IL3RA: variants seen among roughly 807,000 people sequenced by gnomAD.
IL3RA encodes interleukin 3 receptor subunit alpha.
In IL3RA, 73 loss-of-function variants were observed where a neutral mutation model predicts 52.3. The observed-to-expected ratio is 1.40, with a 90% CI of 1.16 to 1.70. IL3RA has a LOEUF of 1.70. IL3RA is among the 40% of genes most tolerant of loss of function. IL3RA has a pLI of 0.00. For synonymous variants in IL3RA, 260 were observed against 194.0 expected (o/e 1.34, Z -2.83); for missense variants, 664 against 504.4 (o/e 1.32, Z -3.03).
At position 1,352,120 on chromosome X, in the gene IL3RA, G is replaced by A; in HGVS notation, c.319G>A (p.Ala107Thr). 1 of 1,613,814 alleles carries A rather than the reference G, an allele frequency of 6.2e-7. No homozygotes were observed. The highest frequency in any genetic ancestry group is 8.5e-7 in the Non-Finnish European group (1 of 1,179,822). The change falls in exon 5 of 12, where the codon GCG (alanine) becomes ACG (threonine). Residue 107 changes from alanine (A) to threonine (T), a missense_variant. Physicochemically the swap from Ala to Thr is moderately conservative, Grantham distance 58. Transcript: ENST00000331035. ...PENSGKPWAG[A>T]ENLTCWIHDV... Reference sequence around the variant, plus strand: ...CCCAGGTGGGAAGCCTTGGGCAGGTGCGGAGAATCTGACCTGCTGGATTCA... The same window carrying A: ...CCCAGGTGGGAAGCCTTGGGCAGGTACGGAGAATCTGACCTGCTGGATTCA...
chrX:1,378,898 A>G (rs1218048158), intron 10 of IL3RA, 134 bp downstream of exon 10: 6 of 854,274 alleles, frequency 7.0e-6, no homozygotes, highest in Non-Finnish European at 1.1e-5. Flanking sequence ...GCTGGAGTGC[A>G]GTGGCACGAT....
At chrX:1,349,824 G>A (rs7891706) in intron 4 of IL3RA, among the ~76,000 whole-genome samples, 4,218 of 150,890 alleles carry the variant, frequency 0.028, 79 homozygotes, top group Middle Eastern at 0.1. Context: ...CACCAAGCCC[G>A]GCTAAATTTT....
Position 1,356,331 on chromosome X carries a change from C to G in IL3RA, c.727C>G (p.Gln243Glu), listed in dbSNP as rs552179087. ...NRKFRYELQI[Q>E]KRMQPVITEQ... Reference sequence around the variant, plus strand: ...CAAATTTCGCTATGAGCTTCAGATACAAAAGGTAAACTTTCACCCCGCCCC... The same window carrying G: ...CAAATTTCGCTATGAGCTTCAGATAGAAAAGGTAAACTTTCACCCCGCCCC... The change falls in exon 7 of 12, where the codon CAA (glutamine) becomes GAA (glutamate). Residue 243 changes from glutamine to glutamate, a missense_variant. Coordinates refer to ENST00000331035, the MANE Select transcript of IL3RA (RefSeq NM_002183.4). 505 of 1,607,006 alleles carry G rather than the reference C, an allele frequency of 3.1e-4. 5 individuals are homozygous for G. The South Asian group carries it at 5.2e-3, about 17-fold the overall frequency.
At chrX:1,351,897 T>C (rs1414074227) in intron 4 of IL3RA, among the ~76,000 whole-genome samples, 1 of 152,100 alleles carries the variant, frequency 6.6e-6, no homozygotes, top group Non-Finnish European at 1.5e-5. Context: ...CCCAAAGTGC[T>C]GGGATCACAG....
chrX:1,356,347 ACCCCGCCCCCAGCCC>A lies in IL3RA; in HGVS notation c.732+16_732+30del. The stretch of plus-strand genomic sequence containing the variant: ...CTTCAGATACAAAAGGTAAACTTTC[ACCCCGCCCCCAGCCC>A]CCCCACCCCCGTGGACATCCCTTAT... On this transcript the variant is annotated intron_variant, in intron 7 of 11. Transcript: ENST00000331035. 2 of 1,571,096 alleles carry A rather than the reference ACCCCGCCCCCAGCCC, an allele frequency of 1.3e-6. No individual in the cohort carries two copies. Among genetic ancestry groups the A allele is most frequent in the Non-Finnish European group, 1.7e-6 (2 of 1,143,252 alleles).
At chrX:1,368,368 T>G (rs1231132908) in intron 9 of IL3RA, among the ~76,000 whole-genome samples, 2 of 151,998 alleles carry the variant, frequency 1.3e-5, no homozygotes, top group Non-Finnish European at 2.9e-5. Context: ...GTAGATCACC[T>G]GAGGTCAGGA....
rs755681924 is a variant in IL3RA at position 1,356,223 on chromosome X, A to G, written c.619A>G (p.Ile207Val). ...DKFVVFSQIE[I>V]LTPPNMTAKC... is the part of the protein sequence containing the mutation. ...AAAAGTGTTTTTCTCGTTGCTAGAG[A>G]TATTAACTCCACCCAACATGACTGC... Residue 207 changes from isoleucine (I) to valine (V), a missense_variant and splice_region_variant, in exon 7 of 12, where the codon ATA (isoleucine) becomes GTA (valine). Coordinates refer to ENST00000331035, the MANE Select transcript of IL3RA (RefSeq NM_002183.4). The G allele has an allele frequency of 1.3e-6, 2 of 1,585,470 alleles. No homozygotes were observed. Among genetic ancestry groups the G allele is most frequent in the African/African-American group, 1.3e-5 (1 of 74,240 alleles).
intron 9 of IL3RA, among the ~76,000 whole-genome samples, chrX:1,367,927 C>A (rs1285488704): frequency 6.6e-6 from 1 of 151,906 alleles, no homozygotes; most frequent in Non-Finnish European, 1.5e-5. Flanking sequence ...CTGAACCCGA[C>A]GGTGAACTCA....
At chrX:1,357,269 GT>G (rs2086805847) in intron 7 of IL3RA, among the ~76,000 whole-genome samples, 1 of 151,528 alleles carries the variant, frequency 6.6e-6, no homozygotes, top group South Asian at 2.1e-4. Context: ...GTTATATTTA[GT>G]TTGTATTTTA....
intron 4 of IL3RA, 152 bp from the exon 5 acceptor site, chrX:1,351,948 A>C: frequency 4.2e-6 from 4 of 962,638 alleles, no homozygotes; most frequent in Non-Finnish European, 6.1e-6. Context: ...CATTTTTAGT[A>C]GAGATTGGGT....
At chrX:1,356,935 G>A (rs775213109) in intron 7 of IL3RA, among the ~76,000 whole-genome samples, 4 of 152,008 alleles carry the variant, frequency 2.6e-5, no homozygotes, top group East Asian at 1.9e-4. Context: ...TCCACAGTTC[G>A]TTGGATCAGT....
At chrX:1,339,232 G>A (rs1341292014) in intron 1 of IL3RA, among the ~76,000 whole-genome samples, 1 of 152,160 alleles carries the variant, frequency 6.6e-6, no homozygotes, top group Non-Finnish European at 1.5e-5. Flanking sequence ...ACAGGCAAGT[G>A]TGACTGTGTG....
At chrX:1,363,967 G>A (rs1383154055) in intron 8 of IL3RA, among the ~76,000 whole-genome samples, 2 of 151,494 alleles carry the variant, frequency 1.3e-5, no homozygotes, top group East Asian at 3.9e-4. Flanking sequence ...TGGATCATGA[G>A]GTCAGGAAAT....
intron 1 of IL3RA, among the ~76,000 whole-genome samples, chrX:1,340,842 C>G (rs7063473): frequency 2.0e-5 from 3 of 151,986 alleles, no homozygotes; most frequent in Non-Finnish European, 4.4e-5. Context: ...GTGGGCTGGA[C>G]GCGGTGGCTG....
In IL3RA at chrX:1,348,654, C is replaced by CTT. The variant is rs1422390179; in HGVS notation, c.298+111_298+112dup. On this transcript the variant is annotated intron_variant, in intron 4 of 11. Transcript: ENST00000331035. Reference sequence around the variant, plus strand: ...TTTTCTTTTCTTTTTCTCTTTCTTTCTTTCTTTCTTTCTTTCTTTCTTTCT... The same window carrying CTT: ...TTTTCTTTTCTTTTTCTCTTTCTTTCTTTTTCTTTCTTTCTTTCTTTCTTTCT... 8 of 406,516 alleles carry CTT rather than the reference C, an allele frequency of 2.0e-5. No homozygotes were observed. The African/African-American group carries it at 3.0e-4, about 15-fold the overall frequency. 25.2% of individuals were successfully genotyped at this position (406,516 alleles called of 1,614,324 possible).
At chrX:1,347,786 C>A (rs1409135712) in intron 3 of IL3RA, among the ~76,000 whole-genome samples, 2 of 151,892 alleles carry the variant, frequency 1.3e-5, no homozygotes, top group African/African-American at 4.8e-5. Context: ...CGCCTGTCAT[C>A]CCAGCACTTT....
chrX:1,377,028 C>T (rs1482847213), intron 9 of IL3RA, among the ~76,000 whole-genome samples: 11 of 149,140 alleles, frequency 7.4e-5, no homozygotes, highest in Non-Finnish European at 4.4e-5. Context: ...TGACAGCAGC[C>T]TGAGATGGAC....
chrX:1,341,700 C>CG, intron 1 of IL3RA, 28 bp from the exon 2 acceptor site: 1 of 1,588,552 alleles, frequency 6.3e-7, no homozygotes, highest in Non-Finnish European at 8.6e-7. Context: ...AGCCAGTCCC[C>CG]GCTGCCTGAC....
Position 1,346,334 on chromosome X carries a change from G to A in IL3RA, c.183+900G>A, listed in dbSNP as rs567027300. 4.1e-3 allele frequency among the ~76,000 whole-genome samples: 625 copies of A among 152,090 alleles called. 26 individuals are homozygous for A. Among genetic ancestry groups the A allele is most frequent in the African/African-American group, 0.015 (601 of 41,380 alleles). On this transcript the variant is annotated intron_variant, in intron 3 of 11. Coordinates refer to ENST00000331035, the MANE Select transcript of IL3RA (RefSeq NM_002183.4). The stretch of plus-strand genomic sequence containing the variant: ...GGCGCCTGTAATCCCAGTTACTTGG[G>A]AGGCTGAGGCAGGAGAATCGCTTGA...
Sources: allele counts gnomAD v4.1 joint callset (sites outside exome capture counted in the v4.1 genomes callset), GRCh38; gene constraint gnomAD v4.1.1; transcripts MANE v1.5; gene names NCBI Gene and HGNC (gene_info 2026-07-23, HGNC 2026-07-21).